The following GABRB3 variants were observed in gnomAD, a reference collection of about 807,000 sequenced individuals.
The protein encoded by GABRB3 is gamma-aminobutyric acid receptor subunit beta-3.
GABRB3 carries 14 observed loss-of-function variants against 52.1 expected under a neutral mutation model. The observed-to-expected ratio is 0.27, with a 90% CI of 0.18 to 0.42. The LOEUF (loss-of-function observed/expected upper bound fraction) is 0.42. Among genes scored for constraint, GABRB3 ranks in the 10% least tolerant of loss-of-function variants. The pLI is 1.00. For missense variants in GABRB3, 307 were observed against 609.1 expected, an observed-to-expected ratio of 0.50 and a Z score of 5.22; for synonymous variants, 260 against 232.3, an observed-to-expected ratio of 1.12 and a Z score of -1.08.
chr15:26,677,602 C>T (rs1479626126), intron 3 of GABRB3, among the ~76,000 whole-genome samples: 1 of 152,184 alleles, frequency 6.6e-6, no homozygotes, highest in Admixed American at 6.5e-5. Context: ...GGTAGAACAG[C>T]TTTCCTTACC....
intron 4 of GABRB3, among the ~76,000 whole-genome samples, chr15:26,600,077 G>A (rs1263383254): frequency 1.3e-5 from 2 of 151,978 alleles, no homozygotes; most frequent in Admixed American, 6.6e-5. Flanking sequence ...GTAAGATAAA[G>A]ACTACAATGA....
intron 3 of GABRB3, among the ~76,000 whole-genome samples, chr15:26,752,229 TTTTATTTA>T (rs3078706): frequency 0.073 from 10,178 of 140,288 alleles, 786 homozygotes; most frequent in African/African-American, 0.19. Flanking sequence ...GCTCTCTTTA[TTTTATTTA>T]TTTATTTATT....
intron 3 of GABRB3, among the ~76,000 whole-genome samples, chr15:26,720,995 G>A (rs1045047262): frequency 1.1e-4 from 16 of 152,198 alleles, no homozygotes; most frequent in African/African-American, 2.2e-4. Context: ...GGGGTAGACC[G>A]CCCCAACATG....
intron 6 of GABRB3, among the ~76,000 whole-genome samples, chr15:26,576,150 TA>T (rs1890582073): frequency 6.6e-6 from 1 of 152,342 alleles, no homozygotes; most frequent in African/African-American, 2.4e-5. Flanking sequence ...TTTGTTGAAA[TA>T]AATTTAATTC....
chr15:26,640,838 A>G (rs1893181492), intron 3 of GABRB3, among the ~76,000 whole-genome samples: 5 of 152,248 alleles, frequency 3.3e-5, no homozygotes, highest in Admixed American at 3.3e-4. Context: ...TGCCAGATTC[A>G]GTTGTAACAT....
At chr15:26,564,731 A>T (rs1890103267) in intron 7 of GABRB3, among the ~76,000 whole-genome samples, 1 of 152,216 alleles carries the variant, frequency 6.6e-6, no homozygotes, top group African/African-American at 2.4e-5. Context: ...TCCAAACTAT[A>T]GCTGTATCCT....
chr15:26,720,540 T>C (rs1291326530), intron 3 of GABRB3, among the ~76,000 whole-genome samples: 1 of 151,886 alleles, frequency 6.6e-6, no homozygotes, highest in Non-Finnish European at 1.5e-5. Flanking sequence ...GACGGTCAGG[T>C]TTTTAAAAAT....
intron 3 of GABRB3, among the ~76,000 whole-genome samples, chr15:26,628,192 G>C (rs1490543329): frequency 6.6e-6 from 1 of 152,200 alleles, no homozygotes; most frequent in African/African-American, 2.4e-5. Flanking sequence ...TATATATCTT[G>C]GGAAACCAAA....
chr15:26,715,679 T>A (rs1232571594), intron 3 of GABRB3, among the ~76,000 whole-genome samples: 4 of 152,182 alleles, frequency 2.6e-5, no homozygotes, highest in Non-Finnish European at 5.9e-5. Context: ...CTAGAAAATG[T>A]TGTTAAGGTG....
At chr15:26,617,521 A>C (rs1892302113) in intron 4 of GABRB3, among the ~76,000 whole-genome samples, 1 of 152,208 alleles carries the variant, frequency 6.6e-6, no homozygotes, top group Admixed American at 6.5e-5. Flanking sequence ...ATCTCAAAAT[A>C]ATAAGAGCTA....
intron 3 of GABRB3, among the ~76,000 whole-genome samples, chr15:26,661,756 G>A (rs1358487506): frequency 6.6e-6 from 1 of 152,128 alleles, no homozygotes; most frequent in African/African-American, 2.4e-5. Context: ...CATCCCACCA[G>A]AAAGAGCCCA....
chr15:26,705,619 C>CA (rs1033728425), intron 3 of GABRB3, among the ~76,000 whole-genome samples: 1 of 151,996 alleles, frequency 6.6e-6, no homozygotes, highest in Non-Finnish European at 1.5e-5. Context: ...AACAAACAAA[C>CA]AAAAAACCCA....
At chr15:26,623,201 GCA>G (rs1339610660) in intron 3 of GABRB3, among the ~76,000 whole-genome samples, 1 of 152,184 alleles carries the variant, frequency 6.6e-6, no homozygotes, top group African/African-American at 2.4e-5. Context: ...CCTGTGGAGT[GCA>G]GTTTTGCTGG....
At chr15:26,772,633 G>A in intron 2 of GABRB3, 48 bp downstream of exon 2, 3 of 1,493,208 alleles carry the variant, frequency 2.0e-6, no homozygotes, top group African/African-American at 1.4e-5. Flanking sequence ...CCAGGCCGCC[G>A]CCGCCGTGGG....
chr15:26,730,768 G>GT, intron 3 of GABRB3, among the ~76,000 whole-genome samples: 2 of 152,282 alleles, frequency 1.3e-5, no homozygotes, highest in South Asian at 2.1e-4. Flanking sequence ...TCCTCCATCT[G>GT]TTTTTTGCTG....
intron 4 of GABRB3, among the ~76,000 whole-genome samples, chr15:26,606,013 C>T (rs1891776967): frequency 6.6e-6 from 1 of 151,970 alleles, no homozygotes; most frequent in Non-Finnish European, 1.5e-5. Flanking sequence ...ATGGGAAGGT[C>T]CCACACACTT....
At chr15:26,626,721 G>C (rs1892710915) in intron 3 of GABRB3, among the ~76,000 whole-genome samples, 1 of 152,196 alleles carries the variant, frequency 6.6e-6, no homozygotes, top group Non-Finnish European at 1.5e-5. Context: ...TAGGGCAGCT[G>C]CAGAAGAAAA....
intron 3 of GABRB3, among the ~76,000 whole-genome samples, chr15:26,749,449 C>G (rs143915513): frequency 1.9e-4 from 29 of 152,270 alleles, no homozygotes; most frequent in Admixed American, 7.2e-4. Context: ...TATGGTTTAT[C>G]TTCTGAAATG....
At chr15:26,709,519 T>C (rs12441253) in intron 3 of GABRB3, among the ~76,000 whole-genome samples, 3 of 128,188 alleles carry the variant, frequency 2.3e-5, no homozygotes, top group Admixed American at 8.8e-5. Context: ...TTCTTTCTTT[T>C]TTTTTTTTTT....
Sources: allele counts gnomAD v4.1 joint callset (sites outside exome capture counted in the v4.1 genomes callset), GRCh38; gene constraint gnomAD v4.1.1; transcripts MANE v1.5; gene names NCBI Gene and HGNC (gene_info 2026-07-23, HGNC 2026-07-21).